Variants in ARAP1 observed in about 807,000 individuals in gnomAD.
ARAP1 encodes ArfGAP with RhoGAP domain, ankyrin repeat and PH domain 1.
In ARAP1, 76 loss-of-function variants were observed where a neutral mutation model predicts 172.2. The observed-to-expected ratio is 0.44, with a 90% CI of 0.37 to 0.53. ARAP1 has a LOEUF of 0.53. ARAP1 is among the 20% of genes least tolerant of loss of function. The probability of loss-of-function intolerance (pLI) is 0.00; values close to 1 mark genes in which losing one functional copy is unlikely to be tolerated. For missense variants in ARAP1, 1,686 were observed against 1,977.5 expected, an observed-to-expected ratio of 0.85 and a Z score of 2.80; for synonymous variants, 804 against 803.3, an observed-to-expected ratio of 1.00 and a Z score of -0.01.
At chr11:72,730,624 C>G (rs1033484299) in intron 2 of ARAP1, among the ~76,000 whole-genome samples, 1 of 151,738 alleles carries the variant, frequency 6.6e-6, no homozygotes, top group Non-Finnish European at 1.5e-5. Context: ...CGCTTGAACC[C>G]AGGATGTGGA....
At chr11:72,745,151 T>C (rs1481708090) in intron 1 of ARAP1, among the ~76,000 whole-genome samples, 1 of 150,706 alleles carries the variant, frequency 6.6e-6, no homozygotes, top group Non-Finnish European at 1.5e-5. Context: ...GCATTTAAGC[T>C]GCAAACCCAC....
intron 15 of ARAP1, among the ~76,000 whole-genome samples, chr11:72,702,372 T>A (rs1484044047): frequency 6.6e-6 from 1 of 150,904 alleles, no homozygotes; most frequent in East Asian, 2.0e-4. Flanking sequence ...GGCCCCAGAG[T>A]CCAGGCCTGG....
At position 72,710,645 on chromosome 11, in the gene ARAP1, C is replaced by T; in HGVS notation, c.1214-58G>A. Reference sequence around the variant, plus strand: ...GTTGCAGGGAGCCCCTCAGGGGTCTCCTGGCCCTAGGCTCCTCATGCAACA... The same window carrying T: ...GTTGCAGGGAGCCCCTCAGGGGTCTTCTGGCCCTAGGCTCCTCATGCAACA... On this transcript the variant is annotated intron_variant, in intron 9 of 34. Transcript: ENST00000393609. This position sits in a 1 kb window ranked among gnomAD's most constrained non-coding sequence, Gnocchi z 4.3. The T allele has an allele frequency of 9.3e-6, 14 of 1,511,174 alleles. No homozygotes were observed. Among genetic ancestry groups the T allele is most frequent in the Non-Finnish European group, 1.2e-5 (14 of 1,126,572 alleles). 93.6% of individuals were successfully genotyped at this position (1,511,174 alleles called of 1,614,324 possible).
Position 72,688,526 on chromosome 11 carries a change from A to T in ARAP1, c.3999T>A (p.Pro1333=). 6.2e-7 allele frequency: 1 copy of T among 1,611,922 alleles called. No homozygotes were observed. The highest frequency in any genetic ancestry group is 8.5e-7 in the Non-Finnish European group (1 of 1,179,038). The change falls in exon 31 of 35, where the codon CCT becomes CCA. Residue 1333 remains proline (P), a synonymous_variant. Coordinates refer to ENST00000393609, the MANE Select transcript of ARAP1 (RefSeq NM_001040118.3). ...WSGAPETSHR[P]EKEWPIKSLK... Reference sequence around the variant, plus strand: ...GACTCTTAATAGGCCACTCCTTCTCAGGCCGGTGACTCTGAGGTAGGGCAA... The same window carrying T: ...GACTCTTAATAGGCCACTCCTTCTCTGGCCGGTGACTCTGAGGTAGGGCAA...
chr11:72,698,117 G>C lies in ARAP1; in HGVS notation c.2542-11C>G. On this transcript the variant is annotated splice_polypyrimidine_tract_variant and intron_variant, in intron 18 of 34. Transcript: ENST00000393609. ...GGGAGGCACGAATGCCTGGCAGAGA[G>C]GCGCCGGGGGAGACAGCATCAGCCA... The C allele has an allele frequency of 6.3e-7, 1 of 1,576,734 alleles. No individual in the cohort carries two copies. The highest frequency in any genetic ancestry group is 8.6e-7 in the Non-Finnish European group (1 of 1,161,736).
At chr11:72,687,872 C>T (rs1591165685) in intron 31 of ARAP1, 134 bp from the exon 32 acceptor site, 2 of 1,042,016 alleles carry the variant, frequency 1.9e-6, no homozygotes, top group East Asian at 2.4e-5. Context: ...AAGAGTGGCA[C>T]ATCCTGGCCT....
intron 3 of ARAP1, among the ~76,000 whole-genome samples, chr11:72,723,318 A>G (rs903721747): frequency 6.6e-6 from 1 of 151,856 alleles, no homozygotes; most frequent in Admixed American, 6.6e-5. Context: ...TATTAATAAT[A>G]ATGATGATAA....
At chr11:72,749,374 G>A (rs763753596) in intron 1 of ARAP1, among the ~76,000 whole-genome samples, 1 of 152,170 alleles carries the variant, frequency 6.6e-6, no homozygotes, top group African/African-American at 2.4e-5. Context: ...TATTGGCAGG[G>A]TGGAATTGGT....
In ARAP1 at chr11:72,693,365, A is replaced by G. The variant is rs1224763234; in HGVS notation, c.3914T>C (p.Ile1305Thr). Reference protein sequence around the residue: ...PSGGFHDRYFILNSSCLRLYK... With the variant: ...PSGGFHDRYFTLNSSCLRLYK... ...GAGCCGCAAGCAGCTGCTGTTGAGGATGAAGTAGCGATCGTGGAAGCCACC... is the reference window on the plus strand; with the variant it reads ...GAGCCGCAAGCAGCTGCTGTTGAGGGTGAAGTAGCGATCGTGGAAGCCACC... The change falls in exon 29 of 35, where the codon ATC becomes ACC. Residue 1305 changes from isoleucine to threonine, a missense_variant. Physicochemically the swap from Ile to Thr is moderately conservative, Grantham distance 89. This residue lies in a region of ARAP1 where 379 missense variants were observed against 500.1 expected (regional missense o/e 0.76). Transcript: ENST00000393609. The surrounding 1 kb of genome is among the most constrained non-coding windows in gnomAD (Gnocchi z 4.6). The G allele has an allele frequency of 6.2e-7, 1 of 1,613,712 alleles. No individual in the cohort carries two copies. Among genetic ancestry groups the G allele is most frequent in the Non-Finnish European group, 8.5e-7 (1 of 1,179,830 alleles).
chr11:72,705,749 A>C, intron 13 of ARAP1, 56 bp downstream of exon 13: 1 of 1,573,708 alleles, frequency 6.4e-7, no homozygotes, highest in Non-Finnish European at 8.7e-7. Context: ...GGAGACCCAG[A>C]CAGCTGTTGA....
In ARAP1 at chr11:72,714,182, G is replaced by T; in HGVS notation, c.649C>A (p.Pro217Thr). 6.6e-7 allele frequency: 1 copy of T among 1,514,334 alleles called. No homozygotes were observed. Among genetic ancestry groups the T allele is most frequent in the Admixed American group, 2.5e-5 (1 of 39,464 alleles). The allele number at this position is 1,514,334 out of a possible 1,614,324, so 93.8% of individuals were successfully genotyped here. ...SPPPCPPEIPPKPVRLFPEFD... is the reference protein window; with the variant it reads ...SPPPCPPEIPTKPVRLFPEFD... ...TCTGGGAACAGGCGTACCGGCTTTGGAGGTATCTCCGGGGGGCAGGGAGGT... is the reference window on the plus strand; with the variant it reads ...TCTGGGAACAGGCGTACCGGCTTTGTAGGTATCTCCGGGGGGCAGGGAGGT... The change falls in exon 4 of 35, where the codon CCA (proline) becomes ACA (threonine). Residue 217 changes from proline (P) to threonine (T), a missense_variant. Physicochemically the swap from Pro to Thr is conservative, Grantham distance 38 (BLOSUM62 -1). Coordinates refer to ENST00000393609, the MANE Select transcript of ARAP1 (RefSeq NM_001040118.3).
At chr11:72,689,921 C>A (rs1317745783) in intron 30 of ARAP1, among the ~76,000 whole-genome samples, 1 of 152,138 alleles carries the variant, frequency 6.6e-6, no homozygotes, top group Non-Finnish European at 1.5e-5. Context: ...TAGGCACACA[C>A]AGAAGAAGCA....
chr11:72,721,425 CTCCCCAACGAA>C (rs1565225973), intron 3 of ARAP1, among the ~76,000 whole-genome samples: 1 of 152,170 alleles, frequency 6.6e-6, no homozygotes, highest in Non-Finnish European at 1.5e-5. Context: ...CAAACTAAGC[CTCCCCAACGAA>C]TCCCCAGAGG....
intron 1 of ARAP1, among the ~76,000 whole-genome samples, chr11:72,742,091 G>T (rs543655628): frequency 4.6e-5 from 7 of 152,276 alleles, no homozygotes; most frequent in Non-Finnish European, 1.0e-4. Context: ...AGGGTCAGAA[G>T]GGAAAGAGGG....
At chr11:72,713,977 T>C (rs1446603999) in intron 4 of ARAP1, among the ~76,000 whole-genome samples, 175 bp downstream of exon 4, 2 of 151,954 alleles carry the variant, frequency 1.3e-5, no homozygotes, top group Non-Finnish European at 2.9e-5. Flanking sequence ...CTGTCTCCAT[T>C]GTGAGGATGA....
At chr11:72,706,892 A>C (rs1296796770) in intron 12 of ARAP1, among the ~76,000 whole-genome samples, 3 of 152,152 alleles carry the variant, frequency 2.0e-5, no homozygotes, top group Non-Finnish European at 4.4e-5. Flanking sequence ...GACCCCAACA[A>C]GCCTGGGCTC....
rs1434429907 is a variant in ARAP1, at chr11:72,711,019, A to G, written c.1213+2T>C. The G allele has an allele frequency of 6.2e-7, 1 of 1,613,544 alleles. No individual in the cohort carries two copies. The highest frequency in any genetic ancestry group is 8.5e-7 in the Non-Finnish European group (1 of 1,179,892). On this transcript the variant is annotated splice_donor_variant, in intron 9 of 34. Coordinates refer to ENST00000393609, the MANE Select transcript of ARAP1 (RefSeq NM_001040118.3). LOFTEE classifies it high-confidence loss of function. Reference sequence around the variant, plus strand: ...ACACACACAACACCCCACACTCCCCACCATCACTCTCTGCCCGGAAGGCAA... The same window carrying G: ...ACACACACAACACCCCACACTCCCCGCCATCACTCTCTGCCCGGAAGGCAA...
At chr11:72,706,535 T>C (rs998340847) in intron 12 of ARAP1, among the ~76,000 whole-genome samples, 2 of 152,146 alleles carry the variant, frequency 1.3e-5, no homozygotes. Context: ...TGAATGAACC[T>C]TGGGCTCAAC....
At chr11:72,692,256 G>T (rs570452305) in intron 30 of ARAP1, among the ~76,000 whole-genome samples, 1 of 152,276 alleles carries the variant, frequency 6.6e-6, no homozygotes, top group African/African-American at 2.4e-5. Flanking sequence ...TCCTAGGAGT[G>T]TGCAGAGTGG....
Sources: allele counts gnomAD v4.1 joint callset (sites outside exome capture counted in the v4.1 genomes callset), GRCh38; gene constraint gnomAD v4.1.1; regional missense constraint gnomAD v4.1.1; non-coding constraint Gnocchi (gnomAD v3.1); transcripts MANE v1.5; gene names NCBI Gene and HGNC (gene_info 2026-07-23, HGNC 2026-07-21).